The following CDHR1 variants were observed in gnomAD, a reference collection of about 807,000 sequenced individuals.
The protein encoded by CDHR1 is cadherin related family member 1, also known as cadherin-related family member 1.
A neutral mutation model predicts 72.1 loss-of-function variants in CDHR1; 61 were observed. That is an observed-to-expected ratio of 0.85 (90% confidence interval 0.69 to 1.05). The LOEUF (loss-of-function observed/expected upper bound fraction) is 1.05. Among genes scored for constraint, CDHR1 ranks in the 50% least tolerant of loss-of-function variants. The pLI is 0.00. For missense variants in CDHR1, 1,186 were observed against 1,115.7 expected (o/e 1.06, Z -0.90); for synonymous variants, 470 against 448.1 (o/e 1.05, Z -0.62).
intron 15 of CDHR1, 31 bp from the exon 16 acceptor site, chr10:84,213,060 C>T: frequency 1.9e-6 from 3 of 1,614,170 alleles, no homozygotes; most frequent in Non-Finnish European, 2.5e-6. Flanking sequence ...GTCCCCAAAG[C>T]CCAGCTCTGT....
At position 84,196,584 on chromosome 10, in the gene CDHR1, T is replaced by C. The variant is rs1396377270; in HGVS notation, c.231T>C (p.Thr77=). Residue 77 remains threonine (T), a synonymous_variant, in exon 3 of 17, where the codon ACT becomes ACC. Coordinates refer to ENST00000623527, the MANE Select transcript of CDHR1 (RefSeq NM_033100.4). ...ACCACATCAGCTTTGACCCCAGCAC[T>C]AGAAGCGTCTTTTCTGTTGACCCCA... The part of the protein sequence containing the change: ...ISYHISFDPS[T]RSVFSVDPTF... The C allele has an allele frequency of 6.2e-7, 1 of 1,614,094 alleles. No individual in the cohort carries two copies. The highest frequency in any genetic ancestry group is 1.3e-5 in the African/African-American group (1 of 74,936).
chr10:84,211,737 G>A (rs552207779), intron 14 of CDHR1, 22 bp downstream of exon 14: 2 of 1,604,554 alleles, frequency 1.2e-6, no homozygotes, highest in South Asian at 1.1e-5. Flanking sequence ...CAGAATCCAG[G>A]ACAGGGCCTT....
chr10:84,216,888 G>T lies in CDHR1; in HGVS notation c.*2267G>T, dbSNP rs1482162567. The stretch of plus-strand genomic sequence containing the variant: ...TGGGAGGCCTAGGGTGGGCATGAAA[G>T]CTTGGGAAGCACTGTCGTCTCTCAG... On this transcript the variant is annotated 3_prime_UTR_variant, in exon 17 of 17. Transcript: ENST00000623527. 1.0e-6 allele frequency: 1 copy of T among 985,380 alleles called. No individual in the cohort carries two copies. Among genetic ancestry groups the T allele is most frequent in the African/African-American group, 1.7e-5 (1 of 57,256 alleles). The allele number at this position is 985,380 out of a possible 1,614,324, so 61.0% of individuals were successfully genotyped here.
At position 84,199,140 on chromosome 10, in the gene CDHR1, G is replaced by C; in HGVS notation, c.438+19G>C. ...TCCCGAGGTAAGTGAGGAGCTGCTAGAGGGGCTGATTTTCCCACCCAGGCC... is the reference window on the plus strand; with the variant it reads ...TCCCGAGGTAAGTGAGGAGCTGCTACAGGGGCTGATTTTCCCACCCAGGCC... On this transcript the variant is annotated intron_variant, in intron 5 of 16. Transcript: ENST00000623527. 1.3e-6 allele frequency: 2 copies of C among 1,547,848 alleles called. No homozygotes were observed. The highest frequency in any genetic ancestry group is 2.4e-5 in the East Asian group (1 of 40,882).
At chr10:84,212,937 A>G in intron 15 of CDHR1, 154 bp from the exon 16 acceptor site, 2 of 920,210 alleles carry the variant, frequency 2.2e-6, no homozygotes, top group Non-Finnish European at 1.7e-6. Flanking sequence ...ATAGGAGAGC[A>G]TGCATTCTGT....
chr10:84,208,688 C>G, intron 11 of CDHR1, 41 bp from the exon 12 acceptor site: 1 of 1,581,372 alleles, frequency 6.3e-7, no homozygotes, highest in Non-Finnish European at 8.7e-7. Flanking sequence ...GAATTTCTAT[C>G]ATCATTCATC....
At position 84,214,593 on chromosome 10, in the gene CDHR1, A is replaced by G; in HGVS notation, c.2552A>G (p.Lys851Arg). Residue 851 changes from lysine (K) to arginine (R), a missense_variant, in exon 17 of 17, where the codon AAG becomes AGG. Transcript: ENST00000623527. The part of the protein sequence containing the change: ...ISELKQKFEK[K>R]SVHNKAYF ...GAGCTCAAGCAAAAGTTTGAGAAGA[A>G]GAGTGTGCACAACAAGGCTTACTTC... The G allele has an allele frequency of 6.3e-7, 1 of 1,599,994 alleles. No individual in the cohort carries two copies. Among genetic ancestry groups the G allele is most frequent in the South Asian group, 1.1e-5 (1 of 91,086 alleles).
rs1409955169 is a variant in CDHR1 at position 84,204,963 on chromosome 10, C to T, written c.862+358C>T. Among the ~76,000 whole-genome samples the T allele has an allele frequency of 1.4e-4, 21 of 152,210 alleles. 1 individual carries two copies. On this transcript the variant is annotated intron_variant, in intron 9 of 16. Coordinates refer to ENST00000623527, the MANE Select transcript of CDHR1 (RefSeq NM_033100.4). ...CTCATTCTTTTTAATTGTTATCCCA[C>T]AGCATATAGATGAATTAAATGAATC...
chr10:84,213,967 G>C (rs1453646035), intron 16 of CDHR1, 115 bp from the exon 17 acceptor site: 3 of 1,335,250 alleles, frequency 2.2e-6, no homozygotes, highest in African/African-American at 1.4e-5. Flanking sequence ...TTCTCAAAGG[G>C]ACTCCTGACT....
intron 12 of CDHR1, among the ~76,000 whole-genome samples, chr10:84,209,639 CAAA>C (rs59316093): frequency 6.1e-4 from 77 of 125,316 alleles, no homozygotes; most frequent in African/African-American, 8.4e-4. Flanking sequence ...AGAGAAAAGA[CAAA>C]AAAAAAAAAA....
chr10:84,214,137 T>C lies in CDHR1; in HGVS notation c.2096T>C (p.Met699Thr). The change falls in exon 17 of 17, where the codon ATG becomes ACG. Residue 699 changes from methionine to threonine, a missense_variant. By Grantham distance (81) the Met-to-Thr change is moderately conservative. Coordinates refer to ENST00000623527, the MANE Select transcript of CDHR1 (RefSeq NM_033100.4). Reference protein sequence around the residue: ...AFLIQTKDNPMKAVGVLAGTM... With the variant: ...AFLIQTKDNPTKAVGVLAGTM... ...CTGATACAGACCAAGGACAACCCCA[T>C]GAAGGCCGTGGGTGTGCTGGCCGGC... 1.9e-6 allele frequency: 3 copies of C among 1,614,168 alleles called. No homozygotes were observed. The highest frequency in any genetic ancestry group is 1.7e-5 in the Admixed American group (1 of 60,016).
chr10:84,213,413 G>A, intron 16 of CDHR1, 65 bp downstream of exon 16: 2 of 1,603,224 alleles, frequency 1.2e-6, no homozygotes, highest in East Asian at 2.2e-5. Flanking sequence ...TCTGCAACGT[G>A]GGCAGAGCGA....
At position 84,199,050 on chromosome 10, in the gene CDHR1, A is replaced by C; in HGVS notation, c.367A>C (p.Ile123Leu). 6.4e-7 allele frequency: 1 copy of C among 1,551,678 alleles called. No homozygotes were observed. The highest frequency in any genetic ancestry group is 2.4e-5 in the East Asian group (1 of 40,912). Residue 123 changes from isoleucine (I) to leucine (L), a missense_variant, in exon 5 of 17, where the codon ATC becomes CTC. Ile to Leu is a conservative substitution (Grantham distance 5). Coordinates refer to ENST00000623527, the MANE Select transcript of CDHR1 (RefSeq NM_033100.4). ...GLNLVAEKVV[I>L]LVTDANDEAP... ...TTCTCAGGTGGCCGAAAAAGTCGTG[A>C]TCCTGGTGACCGATGCCAATGATGA...
At chr10:84,218,710 C>G, downstream of CDHR1, 1 of 990,598 alleles carries the variant, frequency 1.0e-6, no homozygotes, top group Non-Finnish European at 1.2e-6. Flanking sequence ...GAAACTGTAG[C>G]ATCTTTTCAA....
At position 84,216,799 on chromosome 10, in the gene CDHR1, C is replaced by T. The variant is rs529613066; in HGVS notation, c.*2178C>T. 4.1e-5 allele frequency: 40 copies of T among 985,480 alleles called. No individual in the cohort carries two copies. The South Asian group carries it at 1.6e-3, about 41-fold the overall frequency. 61.0% of individuals were successfully genotyped at this position (985,480 alleles called of 1,614,324 possible). A position where few individuals can be genotyped will look rare whatever the true frequency, so the allele number is the denominator to read the frequency against. Reference sequence around the variant, plus strand: ...CAGGGCTGCATGGAGAGGAATGGAACCTGGAGCTAGAATTAATTGCCCACT... The same window carrying T: ...CAGGGCTGCATGGAGAGGAATGGAATCTGGAGCTAGAATTAATTGCCCACT... On this transcript the variant is annotated 3_prime_UTR_variant, in exon 17 of 17. Coordinates refer to ENST00000623527, the MANE Select transcript of CDHR1 (RefSeq NM_033100.4).
At chr10:84,211,982 G>A in intron 14 of CDHR1, among the ~76,000 whole-genome samples, 197 bp from the exon 15 acceptor site, 1 of 152,212 alleles carries the variant, frequency 6.6e-6, no homozygotes, top group Non-Finnish European at 1.5e-5. Context: ...AAGCTGGATA[G>A]TGATAGATGG....
At chr10:84,213,815 C>T (rs1275485562) in intron 16 of CDHR1, among the ~76,000 whole-genome samples, 2 of 152,268 alleles carry the variant, frequency 1.3e-5, no homozygotes, top group South Asian at 2.1e-4. Context: ...AGAGGTTGCT[C>T]GCATTGCGTT....
chr10:84,213,043 A>G (rs375097156), intron 15 of CDHR1, 48 bp from the exon 16 acceptor site: 5 of 1,613,898 alleles, frequency 3.1e-6, no homozygotes, highest in African/African-American at 1.3e-5. Context: ...CAGAGTACAC[A>G]AGGATTGTCC....
At chr10:84,208,580 T>C (rs1842272537) in intron 11 of CDHR1, 149 bp from the exon 12 acceptor site, 1 of 989,850 alleles carries the variant, frequency 1.0e-6, no homozygotes, top group African/African-American at 1.6e-5. Context: ...CTAAAGGCAC[T>C]CACAGTCCAT....
Sources: allele counts gnomAD v4.1 joint callset (sites outside exome capture counted in the v4.1 genomes callset), GRCh38; gene constraint gnomAD v4.1.1; transcripts MANE v1.5; gene names NCBI Gene and HGNC (gene_info 2026-07-23, HGNC 2026-07-21).